The following METTL16 variants were observed in gnomAD, a reference collection of about 807,000 sequenced individuals.
The protein encoded by METTL16 is methyltransferase 16, RNA N6-adenosine.
Under a neutral mutation model 57.9 loss-of-function variants are expected in METTL16, and 19 were observed. That is an observed-to-expected ratio of 0.33 (90% CI 0.23 to 0.48). The LOEUF (loss-of-function observed/expected upper bound fraction) is 0.48, where lower values mean the gene tolerates loss of function less well. Among genes scored for constraint, METTL16 ranks in the 20% least tolerant of loss-of-function variants. The probability of loss-of-function intolerance (pLI) is 0.99; values close to 1 mark genes in which losing one functional copy is unlikely to be tolerated. For missense variants in METTL16, 434 were observed against 691.5 expected, an observed-to-expected ratio of 0.63 and a Z score of 4.18; for synonymous variants, 246 against 255.6, an observed-to-expected ratio of 0.96 and a Z score of 0.36.
At chr17:2,474,386 GAAAA>G (rs752477163) in intron 3 of METTL16, among the ~76,000 whole-genome samples, 16 of 60,256 alleles carry the variant, frequency 2.7e-4, no homozygotes, top group South Asian at 7.2e-4. Context: ...GAAACAAAAA[GAAAA>G]AAAAAAAAAA....
At chr17:2,495,647 A>G (rs1415547281) in intron 2 of METTL16, among the ~76,000 whole-genome samples, 1 of 148,848 alleles carries the variant, frequency 6.7e-6, no homozygotes, top group Non-Finnish European at 1.5e-5. Context: ...GTGAGCTGAG[A>G]TCCGGCCACT....
At position 2,445,785 on chromosome 17, in the gene METTL16, TA is replaced by T. The variant is rs919118237; in HGVS notation, c.729-4227del. 4.9e-3 allele frequency among the ~76,000 whole-genome samples: 674 copies of T among 137,154 alleles called. 5 individuals carry two copies. Among genetic ancestry groups the T allele is most frequent in the African/African-American group, 0.015 (559 of 37,426 alleles). 90.0% of individuals were successfully genotyped at this position (137,154 alleles called of 152,430 possible). On this transcript the variant is annotated intron_variant, in intron 6 of 9. Coordinates refer to ENST00000263092, the MANE Select transcript of METTL16 (RefSeq NM_024086.4). ...TGGGCAACAGAGTAAGACTCTAACT[TA>T]AAAAAAAAAAATTAATTAATTTAAA...
chr17:2,490,919 T>G (rs1011264098), intron 2 of METTL16, among the ~76,000 whole-genome samples: 28 of 152,284 alleles, frequency 1.8e-4, no homozygotes, highest in African/African-American at 6.0e-4. Flanking sequence ...CCTAAAAAAG[T>G]ACAAGACATT....
At position 2,417,798 on chromosome 17, in the gene METTL16, T is replaced by G. The variant is rs1045148530; in HGVS notation, c.*2172A>C. On this transcript the variant is annotated 3_prime_UTR_variant, in exon 10 of 10. Transcript: ENST00000263092. Reference sequence around the variant, plus strand: ...CGGGGTGATTTTGTTGTTTTGACTTTCATTTTTCCAAATCTTTAATGAGCA... The same window carrying G: ...CGGGGTGATTTTGTTGTTTTGACTTGCATTTTTCCAAATCTTTAATGAGCA... 1 of 152,224 alleles carries G rather than the reference T, an allele frequency of 6.6e-6. No individual in the cohort carries two copies. The highest frequency in any genetic ancestry group is 2.4e-5 in the African/African-American group (1 of 41,460). The allele number at this position is 152,224 out of a possible 1,614,324, so 9.4% of individuals were successfully genotyped here. A position where few individuals can be genotyped will look rare whatever the true frequency, so the allele number is the denominator to read the frequency against.
chr17:2,480,617 C>T (rs1345578732), intron 2 of METTL16, among the ~76,000 whole-genome samples: 1 of 152,074 alleles, frequency 6.6e-6, no homozygotes, highest in African/African-American at 2.4e-5. Flanking sequence ...AAGATAAACC[C>T]GAAGCATTTT....
intron 7 of METTL16, among the ~76,000 whole-genome samples, chr17:2,438,584 C>T (rs1567885645): frequency 2.0e-5 from 3 of 152,142 alleles, no homozygotes. Flanking sequence ...TCACTGCAAC[C>T]TCCACCTCCC....
At chr17:2,495,685 ACT>A (rs1471943342) in intron 2 of METTL16, among the ~76,000 whole-genome samples, 1 of 117,576 alleles carries the variant, frequency 8.5e-6, no homozygotes, top group Non-Finnish European at 1.8e-5. Context: ...ACAGAGAAAG[ACT>A]CTGTCTCAAA....
At chr17:2,505,467 T>C (rs139174767) in intron 1 of METTL16, among the ~76,000 whole-genome samples, 2,945 of 142,654 alleles carry the variant, frequency 0.021, 57 homozygotes, top group African/African-American at 0.045. Context: ...CAGGTTGGTA[T>C]TGAACTCCTG....
rs1024685038 is a variant in METTL16 at position 2,464,212 on chromosome 17, A to G, written c.724T>C (p.Leu242=). The G allele has an allele frequency of 1.2e-6, 2 of 1,610,030 alleles. No individual in the cohort carries two copies. Among genetic ancestry groups the G allele is most frequent in the Non-Finnish European group, 1.7e-6 (2 of 1,178,838 alleles). The change falls in exon 6 of 10, where the codon TTA becomes CTA. Residue 242 remains leucine, a synonymous_variant. Transcript: ENST00000263092. ...ATGTTGTAAAAACAGACTTACCTTA[A>G]TCTTTTTTTAAGTTGTAGACTGTCA... ...IHDSLQLKKR[L]RWYSCMLGKK... is the part of the protein sequence containing the mutation.
At chr17:2,508,013 T>C (rs1230635046) in intron 1 of METTL16, among the ~76,000 whole-genome samples, 1 of 152,058 alleles carries the variant, frequency 6.6e-6, no homozygotes, top group Non-Finnish European at 1.5e-5. Context: ...GTTCTCTGCC[T>C]AGGAAAACCA....
chr17:2,479,768 C>T (rs1348306469), intron 2 of METTL16, among the ~76,000 whole-genome samples: 1 of 152,160 alleles, frequency 6.6e-6, no homozygotes, highest in Non-Finnish European at 1.5e-5. Flanking sequence ...TCTCTCTCCA[C>T]TCCCCACAGC....
intron 5 of METTL16, among the ~76,000 whole-genome samples, chr17:2,467,027 A>T (rs2067203411): frequency 6.6e-6 from 1 of 151,882 alleles, no homozygotes; most frequent in Non-Finnish European, 1.5e-5. Flanking sequence ...GCTGGTTTTG[A>T]ACTCCGAGCT....
At chr17:2,464,124 C>G (rs545216192) in intron 6 of METTL16, 84 bp downstream of exon 6, 1 of 1,416,318 alleles carries the variant, frequency 7.1e-7, no homozygotes, top group South Asian at 1.4e-5. Flanking sequence ...CTCTGTCCCC[C>G]GCCACCAAAA....
At chr17:2,462,722 C>G (rs1190794281) in intron 6 of METTL16, among the ~76,000 whole-genome samples, 4 of 152,144 alleles carry the variant, frequency 2.6e-5, no homozygotes, top group Admixed American at 2.6e-4. Flanking sequence ...TGAGACTTCC[C>G]CAGCCGTGCT....
intron 2 of METTL16, among the ~76,000 whole-genome samples, chr17:2,499,652 T>C (rs1221294141): frequency 6.6e-6 from 1 of 152,230 alleles, no homozygotes; most frequent in Admixed American, 6.5e-5. Flanking sequence ...CCTGAAGTCC[T>C]ATTTAAATAT....
Position 2,419,782 on chromosome 17 carries a change from C to T in METTL16, c.*188G>A, listed in dbSNP as rs2066746169. 8 of 742,052 alleles carry T rather than the reference C, an allele frequency of 1.1e-5. No homozygotes were observed. Among genetic ancestry groups the T allele is most frequent in the South Asian group, 3.0e-5 (2 of 67,154 alleles). The allele number at this position is 742,052 out of a possible 1,614,324, so 46.0% of individuals were successfully genotyped here. On this transcript the variant is annotated 3_prime_UTR_variant, in exon 10 of 10. Coordinates refer to ENST00000263092, the MANE Select transcript of METTL16 (RefSeq NM_024086.4). ...TTCCTCCTTGTAAATGACCACACTA[C>T]GACTCCCTGTAACTCAAAAAGCGGG... is the stretch of plus-strand genomic sequence containing the variant.
At chr17:2,486,355 T>C (rs2067341180) in intron 2 of METTL16, among the ~76,000 whole-genome samples, 1 of 151,940 alleles carries the variant, frequency 6.6e-6, no homozygotes, top group Non-Finnish European at 1.5e-5. Context: ...CATTGCAACT[T>C]ACGCCTCCCG....
intron 8 of METTL16, among the ~76,000 whole-genome samples, chr17:2,426,838 G>T (rs1305712050): frequency 6.7e-6 from 1 of 150,054 alleles, no homozygotes; most frequent in African/African-American, 2.4e-5. Context: ...GTATTTCTTT[G>T]AATTTGAAAA....
chr17:2,462,876 A>G (rs776537063), intron 6 of METTL16, among the ~76,000 whole-genome samples: 4 of 152,166 alleles, frequency 2.6e-5, no homozygotes, highest in Non-Finnish European at 5.9e-5. Flanking sequence ...CACAATAATA[A>G]TAATAAATAA....
Sources: allele counts gnomAD v4.1 joint callset (sites outside exome capture counted in the v4.1 genomes callset), GRCh38; gene constraint gnomAD v4.1.1; transcripts MANE v1.5; gene names NCBI Gene and HGNC (gene_info 2026-07-23, HGNC 2026-07-21).